TRAPPC9: variants seen among roughly 807,000 people sequenced by gnomAD.
TRAPPC9 encodes trafficking protein particle complex subunit 9, also known as IKK2 binding protein.
Under a neutral mutation model 124.0 loss-of-function variants are expected in TRAPPC9, and 83 were observed. The ratio of observed to expected loss-of-function variants is 0.67; its 90% CI spans 0.56 to 0.80. The LOEUF (loss-of-function observed/expected upper bound fraction) is 0.80. Among genes scored for constraint, TRAPPC9 ranks in the 30% least tolerant of loss-of-function variants. The pLI is 0.00. For missense variants in TRAPPC9, 1,302 were observed against 1,508.3 expected (o/e 0.86, Z 2.27); for synonymous variants, 638 against 617.5 (o/e 1.03, Z -0.49).
At chr8:139,813,377 G>A (rs1824577440) in intron 21 of TRAPPC9, among the ~76,000 whole-genome samples, 2 of 152,266 alleles carry the variant, frequency 1.3e-5, no homozygotes, top group African/African-American at 4.8e-5. Context: ...ACACGCTGCA[G>A]TGCCTCCCAG....
intron 17 of TRAPPC9, among the ~76,000 whole-genome samples, chr8:140,128,986 T>C (rs11993105): frequency 0.49 from 64,008 of 131,006 alleles, 14,642 homozygotes; most frequent in African/African-American, 0.61. Context: ...TATATATATA[T>C]ACATATATAT....
At chr8:140,435,773 A>G (rs2070791958) in intron 3 of TRAPPC9, among the ~76,000 whole-genome samples, 1 of 152,200 alleles carries the variant, frequency 6.6e-6, no homozygotes, top group Admixed American at 6.5e-5. Flanking sequence ...AAACAGCCAT[A>G]TTAACTCGCT....
intron 18 of TRAPPC9, among the ~76,000 whole-genome samples, chr8:140,012,101 C>T (rs1323940328): frequency 1.3e-5 from 2 of 152,200 alleles, no homozygotes; most frequent in African/African-American, 2.4e-5. Context: ...TGAGCCACCG[C>T]GCCCGGCCAG....
At chr8:140,316,407 T>C (rs1375241458) in intron 9 of TRAPPC9, among the ~76,000 whole-genome samples, 1 of 152,224 alleles carries the variant, frequency 6.6e-6, no homozygotes, top group African/African-American at 2.4e-5. Context: ...CTTCCAGAAT[T>C]TGGAAACTAT....
At chr8:139,912,961 T>C (rs1228747460) in intron 19 of TRAPPC9, among the ~76,000 whole-genome samples, 2 of 152,214 alleles carry the variant, frequency 1.3e-5, no homozygotes, top group Non-Finnish European at 2.9e-5. Flanking sequence ...GTTCACTGCT[T>C]GATAATCCAA....
intron 17 of TRAPPC9, among the ~76,000 whole-genome samples, chr8:140,067,103 C>T (rs187605288): frequency 3.0e-4 from 46 of 152,302 alleles, no homozygotes; most frequent in African/African-American, 1.1e-3. Flanking sequence ...AAAGCCATGG[C>T]TTATGAAAGA....
At chr8:139,860,318 G>GGTTACAC (rs145742072) in intron 21 of TRAPPC9, among the ~76,000 whole-genome samples, 6,194 of 152,238 alleles carry the variant, frequency 0.041, 271 homozygotes, top group African/African-American at 0.11. Context: ...AGTCCAAAAG[G>GGTTACAC]GGCTGTTACA....
In TRAPPC9 at chr8:139,747,878, C is replaced by T. The variant is rs186144730; in HGVS notation, c.3056-15676G>A. ...GGGATCAGAGAAGATGCAGGGGTTA[C>T]ACACAGCAGGTGTCAGAGCAGGTAG... On this transcript the variant is annotated intron_variant, in intron 21 of 22. Coordinates refer to ENST00000438773, the MANE Select transcript of TRAPPC9 (RefSeq NM_001160372.4). Among the ~76,000 whole-genome samples the T allele has an allele frequency of 2.8e-3, 133 of 47,138 alleles. 1 individual carries two copies. The highest frequency in any genetic ancestry group is 3.2e-3 in the Non-Finnish European group (92 of 29,124). The allele number at this position is 47,138 out of a possible 152,430, so 30.9% of individuals were successfully genotyped here.
chr8:139,964,288 A>C (rs1312992538), intron 19 of TRAPPC9, among the ~76,000 whole-genome samples: 1 of 151,124 alleles, frequency 6.6e-6, no homozygotes, highest in Non-Finnish European at 1.5e-5. Context: ...CTCAGGGCAG[A>C]GATGATGTCT....
chr8:140,109,032 ATACTT>A (rs1312344057), intron 17 of TRAPPC9, among the ~76,000 whole-genome samples: 3 of 152,238 alleles, frequency 2.0e-5, no homozygotes, highest in Non-Finnish European at 4.4e-5. Flanking sequence ...ACTACCCAAA[ATACTT>A]TACTTTTCCT....
At chr8:139,996,801 G>C (rs370373273) in intron 18 of TRAPPC9, among the ~76,000 whole-genome samples, 5 of 152,276 alleles carry the variant, frequency 3.3e-5, no homozygotes, top group South Asian at 4.1e-4. Context: ...GTGCAATGGC[G>C]TGATCTCGGC....
At chr8:140,266,469 CAA>C (rs112160277) in intron 15 of TRAPPC9, among the ~76,000 whole-genome samples, 1,224 of 89,174 alleles carry the variant, frequency 0.014, 14 homozygotes, top group African/African-American at 0.046. Context: ...TCTAACAAGA[CAA>C]AAAAAAAAAA....
In TRAPPC9 at chr8:140,184,630, G is replaced by A. The variant is rs544826678; in HGVS notation, c.2556+36829C>T. Among the ~76,000 whole-genome samples the A allele has an allele frequency of 2.6e-5, 4 of 152,122 alleles. No homozygotes were observed. The East Asian group carries it at 7.7e-4, about 29-fold the overall frequency. On this transcript the variant is annotated intron_variant, in intron 17 of 22. Transcript: ENST00000438773. ...TTTGTTTTGTTTTGTTTTATTTTTA[G>A]TAGATACAGGGTTTTACCATGTTAG...
At chr8:139,946,690 A>G (rs1834241650) in intron 19 of TRAPPC9, among the ~76,000 whole-genome samples, 2 of 152,048 alleles carry the variant, frequency 1.3e-5, no homozygotes, top group South Asian at 4.2e-4. Flanking sequence ...AAAAAAAAAA[A>G]AAGGCCCTGG....
At chr8:140,051,233 G>C (rs1841977357) in intron 17 of TRAPPC9, among the ~76,000 whole-genome samples, 1 of 152,242 alleles carries the variant, frequency 6.6e-6, no homozygotes, top group Admixed American at 6.5e-5. Flanking sequence ...CAGGGCCACA[G>C]GGCCAATGAG....
intron 19 of TRAPPC9, among the ~76,000 whole-genome samples, chr8:139,974,854 G>A (rs1400195797): frequency 1.3e-5 from 2 of 151,956 alleles, no homozygotes; most frequent in East Asian, 1.9e-4. Context: ...GGCAGCCTCC[G>A]GCTGCCTCTC....
At chr8:140,258,990 G>A (rs1333247584) in intron 15 of TRAPPC9, among the ~76,000 whole-genome samples, 18 of 152,152 alleles carry the variant, frequency 1.2e-4, no homozygotes, top group Admixed American at 9.2e-4. Flanking sequence ...AGAACCAGCC[G>A]CCCCTTTGGG....
chr8:140,337,529 C>A (rs2132037594), intron 9 of TRAPPC9, among the ~76,000 whole-genome samples: 1 of 152,304 alleles, frequency 6.6e-6, no homozygotes, highest in East Asian at 1.9e-4. Context: ...ACTTGTCAAT[C>A]CAGAAAGCAG....
chr8:140,285,904 G>A (rs1563917117), intron 13 of TRAPPC9, among the ~76,000 whole-genome samples: 1 of 152,152 alleles, frequency 6.6e-6, no homozygotes. Flanking sequence ...CACCCGTAGG[G>A]AGCACCCTTC....
Sources: allele counts gnomAD v4.1 joint callset (sites outside exome capture counted in the v4.1 genomes callset), GRCh38; gene constraint gnomAD v4.1.1; transcripts MANE v1.5; gene names NCBI Gene and HGNC (gene_info 2026-07-23, HGNC 2026-07-21).